The following PCCA variants were observed in gnomAD, a reference collection of about 807,000 sequenced individuals.
PCCA encodes the protein propionyl-CoA carboxylase subunit alpha.
In PCCA, 74 loss-of-function variants were observed where a neutral mutation model predicts 101.3. The observed-to-expected ratio is 0.73, with a 90% CI of 0.61 to 0.89. PCCA has a LOEUF of 0.89. PCCA is among the 40% of genes least tolerant of loss of function. PCCA has a pLI of 0.00. For missense variants in PCCA, 891 were observed against 907.0 expected (o/e 0.98, Z 0.23); for synonymous variants, 294 against 313.6 (o/e 0.94, Z 0.66).
intron 21 of PCCA, among the ~76,000 whole-genome samples, chr13:100,454,217 C>G (rs1181973894): frequency 6.6e-6 from 1 of 152,138 alleles, no homozygotes. Flanking sequence ...TCCTCTGCCC[C>G]TAATAAATCA....
chr13:100,372,757 T>G (rs555300383), intron 19 of PCCA, among the ~76,000 whole-genome samples: 76 of 152,300 alleles, frequency 5.0e-4, no homozygotes, highest in African/African-American at 1.8e-3. Flanking sequence ...TTGTTTGTTT[T>G]TTGAGACAGT....
intron 6 of PCCA, among the ~76,000 whole-genome samples, chr13:100,202,830 T>G (rs2058613576): frequency 6.6e-6 from 1 of 152,042 alleles, no homozygotes; most frequent in Non-Finnish European, 1.5e-5. Flanking sequence ...TTACATTCTT[T>G]GTAGCTGTTT....
chr13:100,124,465 G>A (rs1014375494), intron 4 of PCCA, among the ~76,000 whole-genome samples: 2 of 152,194 alleles, frequency 1.3e-5, no homozygotes, highest in Admixed American at 1.3e-4. Flanking sequence ...GGTGCGCACT[G>A]TAGTCTCAGC....
intron 18 of PCCA, among the ~76,000 whole-genome samples, chr13:100,354,062 C>A (rs2073625696): frequency 7.1e-6 from 1 of 141,562 alleles, no homozygotes; most frequent in Admixed American, 7.4e-5. Context: ...AAGTTTGAGA[C>A]CCCATCTCTA....
intron 19 of PCCA, among the ~76,000 whole-genome samples, chr13:100,404,490 AGTCCTGGGG>A (rs1481561063): frequency 1.3e-5 from 2 of 152,114 alleles, no homozygotes; most frequent in African/African-American, 4.8e-5. Context: ...TTTTCAAAGG[AGTCCTGGGG>A]GTCCCGGATG....
chr13:100,517,846 G>A lies in PCCA; in HGVS notation c.2040+2279G>A, dbSNP rs565293467. On this transcript the variant is annotated intron_variant, in intron 22 of 23. Coordinates refer to ENST00000376285, the MANE Select transcript of PCCA (RefSeq NM_000282.4). The stretch of plus-strand genomic sequence containing the variant: ...CCAATGCAGCCTGAGAAGTTTCATC[G>A]TCGGCTCTTAGCGCAACTTCTATAG... Among the ~76,000 whole-genome samples, 29 of 152,184 alleles carry A rather than the reference G, an allele frequency of 1.9e-4. No individual in the cohort carries two copies. In the Middle Eastern group the frequency reaches 0.02, roughly 107 times the overall value.
intron 4 of PCCA, among the ~76,000 whole-genome samples, chr13:100,152,735 C>T (rs891922464): frequency 2.0e-4 from 30 of 152,136 alleles, no homozygotes; most frequent in Non-Finnish European, 3.2e-4. Context: ...CATGAGCCAC[C>T]GCGCCCGGCC....
At chr13:100,289,270 C>G (rs991209687) in intron 12 of PCCA, among the ~76,000 whole-genome samples, 40 of 151,974 alleles carry the variant, frequency 2.6e-4, no homozygotes, top group African/African-American at 8.7e-4. Context: ...ATTTTAAAGC[C>G]TTCTTTATTA....
intron 7 of PCCA, among the ~76,000 whole-genome samples, chr13:100,213,678 C>T (rs937927672): frequency 9.2e-5 from 14 of 152,142 alleles, no homozygotes; most frequent in Non-Finnish European, 2.1e-4. Flanking sequence ...GCTCCCATTC[C>T]ATGAGTTGTC....
intron 6 of PCCA, among the ~76,000 whole-genome samples, chr13:100,165,711 C>T (rs994155078): frequency 2.6e-5 from 4 of 152,094 alleles, no homozygotes; most frequent in African/African-American, 9.7e-5. Context: ...AATTCACTCT[C>T]CTGTACACTT....
intron 8 of PCCA, among the ~76,000 whole-genome samples, chr13:100,256,152 G>A (rs1411711747): frequency 6.6e-6 from 1 of 151,928 alleles, no homozygotes; most frequent in African/African-American, 2.4e-5. Context: ...GACTACAGAC[G>A]CACACCACCA....
intron 10 of PCCA, among the ~76,000 whole-genome samples, chr13:100,265,818 A>C (rs531745054): frequency 6.8e-6 from 1 of 147,780 alleles, no homozygotes; most frequent in Non-Finnish European, 1.5e-5. Context: ...AGATTTTCTA[A>C]TAGATGGATG....
intron 7 of PCCA, among the ~76,000 whole-genome samples, chr13:100,220,120 G>C (rs2059732163): frequency 6.6e-6 from 1 of 152,162 alleles, no homozygotes; most frequent in Non-Finnish European, 1.5e-5. Context: ...ACTGAAGGTA[G>C]TAAGAGCCCA....
At chr13:100,393,194 G>T (rs1015757553) in intron 19 of PCCA, among the ~76,000 whole-genome samples, 2 of 152,144 alleles carry the variant, frequency 1.3e-5, no homozygotes, top group Non-Finnish European at 2.9e-5. Context: ...TGCTCAATAT[G>T]ATTATATGAG....
At chr13:100,320,088 A>C (rs1226802040) in intron 16 of PCCA, among the ~76,000 whole-genome samples, 1 of 152,170 alleles carries the variant, frequency 6.6e-6, no homozygotes, top group Non-Finnish European at 1.5e-5. Flanking sequence ...CTTTGAAGCA[A>C]TTGTGAATGG....
chr13:100,209,522 G>A, intron 7 of PCCA, 59 bp downstream of exon 7: 1 of 1,453,100 alleles, frequency 6.9e-7, no homozygotes, highest in Non-Finnish European at 9.7e-7. Flanking sequence ...TTTGTCAAAA[G>A]TATAAGATAA....
chr13:100,530,251 A>C lies in PCCA; in HGVS notation c.*85A>C. On this transcript the variant is annotated 3_prime_UTR_variant, in exon 24 of 24. Coordinates refer to ENST00000376285, the MANE Select transcript of PCCA (RefSeq NM_000282.4). ...CACACAATTGATTCAAGCATTATAC[A>C]GGAACACCCCTGTGCAGCTACGTTT... 9.3e-7 allele frequency: 1 copy of C among 1,074,336 alleles called. No homozygotes were observed. The highest frequency in any genetic ancestry group is 1.4e-6 in the Non-Finnish European group (1 of 694,452). 66.6% of individuals were successfully genotyped at this position (1,074,336 alleles called of 1,614,324 possible). A position where few individuals can be genotyped will look rare whatever the true frequency, so the allele number is the denominator to read the frequency against.
Position 100,530,389 on chromosome 13 carries a change from T to G in PCCA, c.*223T>G, listed in dbSNP as rs1046827974. On this transcript the variant is annotated 3_prime_UTR_variant, in exon 24 of 24. Transcript: ENST00000376285. ...TATGATTTGTACTTCTGCTGTGAGA[T>G]TCCCTAGTGTCAAAATTAAATCAAT... 16 of 602,452 alleles carry G rather than the reference T, an allele frequency of 2.7e-5. No homozygotes were observed. Among genetic ancestry groups the G allele is most frequent in the Non-Finnish European group, 4.7e-5 (16 of 338,194 alleles). 37.3% of individuals were successfully genotyped at this position (602,452 alleles called of 1,614,324 possible).
intron 6 of PCCA, among the ~76,000 whole-genome samples, chr13:100,178,817 C>T (rs1015941671): frequency 1.3e-5 from 2 of 151,958 alleles, no homozygotes; most frequent in Admixed American, 6.6e-5. Context: ...GTGGCTCATG[C>T]CTGTAATCCC....
Sources: allele counts gnomAD v4.1 joint callset (sites outside exome capture counted in the v4.1 genomes callset), GRCh38; gene constraint gnomAD v4.1.1; transcripts MANE v1.5; gene names NCBI Gene and HGNC (gene_info 2026-07-23, HGNC 2026-07-21).